POFUT3: variants seen among roughly 807,000 people sequenced by gnomAD.
POFUT3 encodes the protein protein O-fucosyltransferase 3, also known as GDP-fucose protein O-fucosyltransferase 3.
At chr8:33,309,165 A>T in the POFUT3 span, among the ~76,000 whole-genome samples, 15,067 of 67,542 alleles carry the variant, frequency 0.22, 1,719 homozygotes, top group East Asian at 0.55. Flanking sequence ...AAAAAAAAAA[A>T]AAATATATAT....
the POFUT3 span, among the ~76,000 whole-genome samples, chr8:33,413,363 T>TTCTC: frequency 6.7e-6 from 1 of 148,892 alleles, no homozygotes; most frequent in African/African-American, 2.5e-5. Flanking sequence ...CTCACTCTCT[T>TTCTC]TCTCTCTCTC....
the POFUT3 span, chr8:33,453,331 C>T: frequency 4.3e-6 from 7 of 1,614,196 alleles, no homozygotes; most frequent in Non-Finnish European, 5.9e-6. Flanking sequence ...TCAGCGGGGA[C>T]CACCAGAGCA....
chr8:33,355,580 A>G, the POFUT3 span, among the ~76,000 whole-genome samples: 1 of 152,188 alleles, frequency 6.6e-6, no homozygotes, highest in Non-Finnish European at 1.5e-5. Context: ...TGGATCTGCC[A>G]ATTGTTAGTT....
At chr8:33,408,912 A>G in the POFUT3 span, among the ~76,000 whole-genome samples, 1 of 152,092 alleles carries the variant, frequency 6.6e-6, no homozygotes, top group Admixed American at 6.6e-5. Context: ...CCAACTGCAC[A>G]CTTAAAATGT....
chr8:33,381,173 T>C, the POFUT3 span, among the ~76,000 whole-genome samples: 116 of 152,254 alleles, frequency 7.6e-4, 1 homozygote, highest in African/African-American at 2.8e-3. Flanking sequence ...ATATAAAATA[T>C]ATAAAGCAAT....
At chr8:33,314,435 G>A in the POFUT3 span, among the ~76,000 whole-genome samples, 49 of 152,284 alleles carry the variant, frequency 3.2e-4, no homozygotes, top group Non-Finnish European at 6.6e-4. Flanking sequence ...CAGCTGTTAC[G>A]AGAGTTTAAA....
the POFUT3 span, among the ~76,000 whole-genome samples, chr8:33,328,710 G>A: frequency 1.3e-5 from 2 of 152,180 alleles, no homozygotes; most frequent in South Asian, 2.1e-4. Flanking sequence ...TTTATTAGCT[G>A]GTGAGTCTTG....
the POFUT3 span, among the ~76,000 whole-genome samples, chr8:33,379,173 C>G: frequency 1.3e-5 from 2 of 152,062 alleles, no homozygotes; most frequent in Admixed American, 1.3e-4. Context: ...TTCCCAAGAC[C>G]TCCCTCGCCA....
the POFUT3 span, among the ~76,000 whole-genome samples, chr8:33,441,355 G>T: frequency 7.2e-6 from 1 of 138,974 alleles, no homozygotes; most frequent in African/African-American, 2.6e-5. Flanking sequence ...GCAAGTTTAA[G>T]TTGTTTTAAT....
At chr8:33,372,310 A>C in the POFUT3 span, 1 of 1,180,576 alleles carries the variant, frequency 8.5e-7, no homozygotes, top group Non-Finnish European at 1.0e-6. Flanking sequence ...CACAAAAGGC[A>C]GTAAGTATGT....
the POFUT3 span, among the ~76,000 whole-genome samples, chr8:33,451,539 T>G: frequency 1.3e-5 from 2 of 152,030 alleles, no homozygotes; most frequent in African/African-American, 4.8e-5. Flanking sequence ...CATATGCATA[T>G]GTATGCATAA....
the POFUT3 span, chr8:33,436,633 T>G: frequency 4.6e-4 from 406 of 877,028 alleles, 4 homozygotes; most frequent in South Asian, 5.0e-3. Context: ...CCCATACTGC[T>G]AGAAGAGTGA....
At chr8:33,318,350 C>A in the POFUT3 span, among the ~76,000 whole-genome samples, 2 of 150,012 alleles carry the variant, frequency 1.3e-5, no homozygotes, top group African/African-American at 4.9e-5. Context: ...ACAAATCCTA[C>A]AATGTCTAGC....
chr8:33,347,676 G>A, the POFUT3 span, among the ~76,000 whole-genome samples: 1 of 152,166 alleles, frequency 6.6e-6, no homozygotes, highest in Non-Finnish European at 1.5e-5. Flanking sequence ...ACTGAGCTAG[G>A]CATTAGGGAT....
the POFUT3 span, among the ~76,000 whole-genome samples, chr8:33,330,088 T>C: frequency 1.3e-5 from 2 of 152,162 alleles, no homozygotes; most frequent in Non-Finnish European, 2.9e-5. Flanking sequence ...GAAACTAAAA[T>C]TTTTTAAACG....
chr8:33,375,667 T>C, the POFUT3 span, among the ~76,000 whole-genome samples: 1 of 152,086 alleles, frequency 6.6e-6, no homozygotes, highest in East Asian at 1.9e-4. Context: ...AGTCACACAG[T>C]TATATTCAAA....
At chr8:33,310,357 C>T in the POFUT3 span, among the ~76,000 whole-genome samples, 1 of 152,132 alleles carries the variant, frequency 6.6e-6, no homozygotes, top group African/African-American at 2.4e-5. Context: ...CTCAGTTCTT[C>T]GTCTTGTTTC....
chr8:33,437,224 T>C, the POFUT3 span, among the ~76,000 whole-genome samples: 4 of 152,072 alleles, frequency 2.6e-5, no homozygotes, highest in African/African-American at 9.7e-5. Flanking sequence ...ATGATGAACA[T>C]GCGAGTGCAT....
chr8:33,400,610 T>C, the POFUT3 span, among the ~76,000 whole-genome samples: 2 of 152,162 alleles, frequency 1.3e-5, no homozygotes, highest in Admixed American at 6.5e-5. Context: ...ACCTAGACTT[T>C]GTATTTATAG....
Sources: allele counts gnomAD v4.1 joint callset (sites outside exome capture counted in the v4.1 genomes callset), GRCh38; gene constraint gnomAD v4.1.1; transcripts MANE v1.5; gene names NCBI Gene and HGNC (gene_info 2026-07-23, HGNC 2026-07-21).